LPP: variants seen among roughly 807,000 people sequenced by gnomAD.
LPP encodes the protein LIM domain containing preferred translocation partner in lipoma.
Under a neutral mutation model 60.4 loss-of-function variants are expected in LPP, and 38 were observed. The observed-to-expected ratio is 0.63, with a 90% CI of 0.49 to 0.83. The LOEUF (loss-of-function observed/expected upper bound fraction) is 0.83. LPP is among the 40% of genes least tolerant of loss of function. The pLI is 0.00. For missense variants in LPP, 902 were observed against 783.6 expected, an observed-to-expected ratio of 1.15 and a Z score of -1.80; for synonymous variants, 328 against 290.8, an observed-to-expected ratio of 1.13 and a Z score of -1.30.
chr3:188,270,890 G>A (rs1226958060), intron 2 of LPP, among the ~76,000 whole-genome samples: 1 of 152,178 alleles, frequency 6.6e-6, no homozygotes, highest in Admixed American at 6.5e-5. Context: ...GCAGACATGG[G>A]TTCTCAGCCC....
intron 2 of LPP, among the ~76,000 whole-genome samples, chr3:188,236,922 G>A (rs1722129515): frequency 1.3e-5 from 2 of 152,144 alleles, no homozygotes; most frequent in Admixed American, 6.5e-5. Context: ...ACTCTGCAGA[G>A]AAAGAGTGAT....
intron 4 of LPP, among the ~76,000 whole-genome samples, chr3:188,481,924 G>A (rs1041400663): frequency 6.6e-6 from 1 of 152,150 alleles, no homozygotes; most frequent in Non-Finnish European, 1.5e-5. Context: ...ATAGTAATAT[G>A]GTTTAGCTCT....
chr3:188,654,099 G>A (rs1254388182), intron 7 of LPP, among the ~76,000 whole-genome samples: 1 of 152,114 alleles, frequency 6.6e-6, no homozygotes, highest in East Asian at 1.9e-4. Context: ...GATTTCCTGA[G>A]GACCTCATCA....
At chr3:188,467,719 G>A (rs1179326568) in intron 4 of LPP, among the ~76,000 whole-genome samples, 4 of 152,080 alleles carry the variant, frequency 2.6e-5, no homozygotes, top group Non-Finnish European at 5.9e-5. Flanking sequence ...AAAACTTAAC[G>A]TGTCTTTGCT....
At chr3:188,324,923 G>T (rs12631781) in intron 2 of LPP, among the ~76,000 whole-genome samples, 1 of 151,872 alleles carries the variant, frequency 6.6e-6, no homozygotes, top group African/African-American at 2.4e-5. Context: ...TGTTTGAAAG[G>T]CCCTTTCATG....
At chr3:188,645,535 G>C (rs1850950440) in intron 7 of LPP, among the ~76,000 whole-genome samples, 1 of 152,056 alleles carries the variant, frequency 6.6e-6, no homozygotes, top group African/African-American at 2.4e-5. Flanking sequence ...GTGTGGTCTC[G>C]TGCATGGAGT....
At chr3:188,767,407 G>T (rs1045980313) in intron 9 of LPP, among the ~76,000 whole-genome samples, 1 of 152,098 alleles carries the variant, frequency 6.6e-6, no homozygotes, top group African/African-American at 2.4e-5. Flanking sequence ...TAAAAATACT[G>T]AAGTAAGAGA....
At chr3:188,733,405 C>T (rs1020134923) in intron 8 of LPP, among the ~76,000 whole-genome samples, 3 of 151,926 alleles carry the variant, frequency 2.0e-5, no homozygotes, top group African/African-American at 7.3e-5. Context: ...CTGCAATACC[C>T]CTGAAAAATA....
chr3:188,233,889 G>T (rs919741978), intron 2 of LPP, among the ~76,000 whole-genome samples: 1 of 151,970 alleles, frequency 6.6e-6, no homozygotes, highest in Non-Finnish European at 1.5e-5. Context: ...GCCTCTGTGT[G>T]TAGCCGCTGC....
In LPP at chr3:188,876,654, C is replaced by T. The variant is rs567619088; in HGVS notation, c.*2175C>T. ...TTAGTAACTTTTTATGTAATACTTT[C>T]GGAGAAATTCTCTTTAGGACAAAGC... On this transcript the variant is annotated 3_prime_UTR_variant, in exon 12 of 12. Coordinates refer to ENST00000617246, the MANE Select transcript of LPP (RefSeq NM_001375462.1). The T allele has an allele frequency of 9.2e-5, 18 of 194,910 alleles. No homozygotes were observed. Among genetic ancestry groups the T allele is most frequent in the Non-Finnish European group, 1.8e-4 (17 of 93,846 alleles). The allele number at this position is 194,910 out of a possible 1,614,324, so 12.1% of individuals were successfully genotyped here. A position where few individuals can be genotyped will look rare whatever the true frequency, so the allele number is the denominator to read the frequency against.
At chr3:188,267,504 T>C (rs1735999412) in intron 2 of LPP, among the ~76,000 whole-genome samples, 1 of 152,196 alleles carries the variant, frequency 6.6e-6, no homozygotes, top group Non-Finnish European at 1.5e-5. Context: ...TAAATGGTGG[T>C]GCTGTTGTTA....
rs1342207321 is a variant in LPP, at chr3:188,495,082, A to ATATATATATATATATATATAT, written c.306+10379_306+10380insATATATATATATATATATATT. ...CAGGATTTTATATATATATATATAT[A>ATATATATATATATATATATAT]TTTTATTTATATTTTATTATATATT... On this transcript the variant is annotated intron_variant, in intron 5 of 11. Coordinates refer to ENST00000617246, the MANE Select transcript of LPP (RefSeq NM_001375462.1). Among the ~76,000 whole-genome samples, 156 of 97,136 alleles carry ATATATATATATATATATATAT rather than the reference A, an allele frequency of 1.6e-3. 7 individuals are homozygous for ATATATATATATATATATATAT. The highest frequency in any genetic ancestry group is 3.9e-3 in the African/African-American group (98 of 25,048). 63.7% of individuals were successfully genotyped at this position (97,136 alleles called of 152,430 possible). A position where few individuals can be genotyped will look rare whatever the true frequency, so the allele number is the denominator to read the frequency against.
intron 3 of LPP, among the ~76,000 whole-genome samples, chr3:188,383,589 A>G (rs1413736643): frequency 6.6e-6 from 1 of 152,208 alleles, no homozygotes; most frequent in Non-Finnish European, 1.5e-5. Flanking sequence ...AATTTTCAAA[A>G]GAATTTCAAA....
At chr3:188,483,981 T>G in intron 4 of LPP, among the ~76,000 whole-genome samples, 1 of 152,226 alleles carries the variant, frequency 6.6e-6, no homozygotes, top group East Asian at 1.9e-4. Flanking sequence ...TATAACTCAC[T>G]GGCATTATTT....
chr3:188,170,335 T>C (rs1397047938), intron 1 of LPP, among the ~76,000 whole-genome samples: 13 of 142,048 alleles, frequency 9.2e-5, no homozygotes, highest in East Asian at 5.9e-4. Context: ...TTTTCTTTTT[T>C]TTTTTTTTTT....
chr3:188,553,471 G>T (rs1828702895), intron 6 of LPP, among the ~76,000 whole-genome samples: 3 of 152,126 alleles, frequency 2.0e-5, no homozygotes, highest in Admixed American at 6.5e-5. Flanking sequence ...GTTGGAGCTG[G>T]CATTACCCAT....
At chr3:188,716,177 G>A (rs1161221076) in intron 8 of LPP, among the ~76,000 whole-genome samples, 1 of 152,198 alleles carries the variant, frequency 6.6e-6, no homozygotes, top group East Asian at 1.9e-4. Context: ...CAGAAAACCA[G>A]GAGTTTGTTC....
At chr3:188,193,392 AC>A (rs2149017253) in intron 1 of LPP, among the ~76,000 whole-genome samples, 1 of 152,286 alleles carries the variant, frequency 6.6e-6, no homozygotes, top group South Asian at 2.1e-4. Context: ...CGGTTTCCTT[AC>A]CTGTAAAACG....
intron 8 of LPP, among the ~76,000 whole-genome samples, chr3:188,759,696 G>A (rs1731503801): frequency 6.6e-6 from 1 of 152,140 alleles, no homozygotes; most frequent in Non-Finnish European, 1.5e-5. Flanking sequence ...CATTCTAACT[G>A]GATGTGTAGA....
Sources: gnomAD v4.1 joint callset for allele counts (sites outside exome capture counted in the v4.1 genomes callset) on GRCh38, gnomAD v4.1.1 for gene constraint, MANE v1.5 for transcripts, NCBI Gene and HGNC (gene_info 2026-07-23, HGNC 2026-07-21) for gene names.